TOPAZ1: variants seen among roughly 807,000 people sequenced by gnomAD.
The protein encoded by TOPAZ1 is testis and ovary specific TOPAZ 1.
In TOPAZ1, 66 loss-of-function variants were observed where a neutral mutation model predicts 172.2. That is an observed-to-expected ratio of 0.38 (90% confidence interval 0.31 to 0.47). The LOEUF (loss-of-function observed/expected upper bound fraction) is 0.47, where lower values mean the gene tolerates loss of function less well. Among genes scored for constraint, TOPAZ1 ranks in the 20% least tolerant of loss-of-function variants. The pLI is 0.99. For missense variants in TOPAZ1, 1,822 were observed against 1,972.4 expected, an observed-to-expected ratio of 0.92 and a Z score of 1.44; for synonymous variants, 681 against 683.9, an observed-to-expected ratio of 1.00 and a Z score of 0.07.
chr3:44,317,846 A>G (rs987027398), intron 16 of TOPAZ1, among the ~76,000 whole-genome samples: 3 of 152,260 alleles, frequency 2.0e-5, no homozygotes, highest in African/African-American at 7.2e-5. Context: ...TAAAATATTC[A>G]TAAAAGTATT....
chr3:44,331,687 G>A, intron 19 of TOPAZ1, 105 bp from the exon 20 acceptor site: 3 of 912,556 alleles, frequency 3.3e-6, no homozygotes, highest in Non-Finnish European at 3.3e-6. Context: ...AACATGGTGA[G>A]AAGACTATCA....
intron 11 of TOPAZ1, 129 bp downstream of exon 11, chr3:44,287,968 T>C (rs1700097806): frequency 1.7e-6 from 1 of 597,062 alleles, no homozygotes; most frequent in African/African-American, 2.0e-5. Context: ...TTTCCAGAAG[T>C]ATTCTTTTTC....
At chr3:44,274,639 C>A (rs1412175693) in intron 8 of TOPAZ1, among the ~76,000 whole-genome samples, 1 of 151,206 alleles carries the variant, frequency 6.6e-6, no homozygotes, top group African/African-American at 2.4e-5. Context: ...ACTGTAACCT[C>A]CGCCTCCCGG....
Position 44,243,222 on chromosome 3 carries a change from A to C in TOPAZ1, c.716A>C (p.Asn239Thr), listed in dbSNP as rs1479383837. 6.5e-7 allele frequency: 1 copy of C among 1,549,946 alleles called. No homozygotes were observed. Among genetic ancestry groups the C allele is most frequent in the Non-Finnish European group, 8.7e-7 (1 of 1,146,588 alleles). Residue 239 changes from asparagine to threonine, a missense_variant, in exon 2 of 20, where the codon AAT becomes ACT. Transcript: ENST00000309765. ...CNCFPHSKGC[N>T]DENNLPYKPD... ...TGTTTCCCCCATTCCAAGGGTTGTA[A>C]TGATGAAAACAACCTGCCATATAAA...
intron 12 of TOPAZ1, among the ~76,000 whole-genome samples, chr3:44,293,810 T>C (rs1700166119): frequency 6.6e-6 from 1 of 152,192 alleles, no homozygotes; most frequent in Non-Finnish European, 1.5e-5. Flanking sequence ...ATAACATGCT[T>C]TGCAGGTTGG....
intron 12 of TOPAZ1, among the ~76,000 whole-genome samples, chr3:44,297,912 C>A (rs4464423): frequency 0.46 from 70,051 of 151,840 alleles, 17,379 homozygotes; most frequent in East Asian, 0.8. Flanking sequence ...TAGTAAAAAT[C>A]TGACTGAACA....
In TOPAZ1 at chr3:44,303,863, C is replaced by A. The variant is rs576683340; in HGVS notation, c.3798-152C>A. ...TATAAAGTAGGTGTCTATATAGCTG[C>A]CTTTTTTTCAGCTCTGAAGAATGTT... On this transcript the variant is annotated intron_variant, in intron 12 of 19. Transcript: ENST00000309765. Among the ~76,000 whole-genome samples, 3 of 152,166 alleles carry A rather than the reference C, an allele frequency of 2.0e-5. No individual in the cohort carries two copies. In the South Asian group the frequency reaches 6.2e-4, roughly 32 times the overall value.
chr3:44,245,706 T>A (rs1359392425), intron 2 of TOPAZ1, among the ~76,000 whole-genome samples: 1 of 151,884 alleles, frequency 6.6e-6, no homozygotes, highest in Non-Finnish European at 1.5e-5. Flanking sequence ...CCGGCTAATT[T>A]GTTTTTGTAT....
intron 16 of TOPAZ1, among the ~76,000 whole-genome samples, chr3:44,313,114 C>T (rs1214059243): frequency 6.6e-6 from 1 of 152,046 alleles, no homozygotes; most frequent in East Asian, 1.9e-4. Flanking sequence ...ATCCATGAAT[C>T]CACTTTTACT....
intron 15 of TOPAZ1, among the ~76,000 whole-genome samples, chr3:44,308,128 A>G (rs1385608377): frequency 2.6e-5 from 4 of 152,198 alleles, no homozygotes; most frequent in Middle Eastern, 6.8e-3. Context: ...TACAAAAATT[A>G]GCAGGGGGTG....
rs1188004338 is a variant in TOPAZ1, at chr3:44,243,770, C to G, written c.1264C>G (p.Pro422Ala). ...VNAVFQKTIE[P>A]LLKEETENAS... ...TGCTGTGTTTCAGAAAACCATTGAA[C>G]CACTTTTGAAAGAAGAAACAGAGAA... Residue 422 changes from proline (P) to alanine (A), a missense_variant, in exon 2 of 20, where the codon CCA (proline) becomes GCA (alanine). By Grantham distance (27) the Pro-to-Ala change is conservative. Around this residue, in one of 2 missense-constraint regions of TOPAZ1, gnomAD observed 1,489 missense variants for 1,490.8 expected, o/e 1.00. Transcript: ENST00000309765. 3.9e-6 allele frequency: 6 copies of G among 1,551,684 alleles called. No homozygotes were observed. Among genetic ancestry groups the G allele is most frequent in the Admixed American group, 2.0e-5 (1 of 50,998 alleles).
At chr3:44,310,806 G>A (rs576944669) in intron 16 of TOPAZ1, among the ~76,000 whole-genome samples, 18 of 152,286 alleles carry the variant, frequency 1.2e-4, no homozygotes, top group Admixed American at 9.2e-4. Context: ...GGGCAAACAT[G>A]ACTTCAAACC....
downstream of TOPAZ1, among the ~76,000 whole-genome samples, chr3:44,333,305 G>A (rs1174973302): frequency 6.6e-6 from 1 of 152,170 alleles, no homozygotes; most frequent in Admixed American, 6.5e-5. Flanking sequence ...AGTGAGGCAG[G>A]TGACGTCAAG....
chr3:44,332,144 A>G, downstream of TOPAZ1: 1 of 623,740 alleles, frequency 1.6e-6, no homozygotes, highest in East Asian at 2.8e-5. Context: ...AATAGTTTTA[A>G]AGCACTAAAT....
intron 16 of TOPAZ1, among the ~76,000 whole-genome samples, chr3:44,315,105 G>GTGGATGGATGGATGGATGGATGGA (rs34398632): frequency 1.1e-4 from 17 of 150,002 alleles, no homozygotes; most frequent in East Asian, 2.0e-4. Flanking sequence ...ATTAGTTGAG[G>GTGGATGGATGGATGGATGGATGGA]TGGATGGATG....
chr3:44,309,063 A>G (rs1296597995), intron 15 of TOPAZ1, among the ~76,000 whole-genome samples: 1 of 152,232 alleles, frequency 6.6e-6, no homozygotes, highest in Non-Finnish European at 1.5e-5. Context: ...AATCAAAAAG[A>G]ATGTACAACA....
intron 12 of TOPAZ1, among the ~76,000 whole-genome samples, chr3:44,298,103 G>T (rs1156520551): frequency 2.0e-5 from 3 of 152,042 alleles, no homozygotes; most frequent in African/African-American, 2.4e-5. Context: ...TTTTTTGTAG[G>T]TATAAAAACG....
rs144327785 is a variant in TOPAZ1 at position 44,282,341 on chromosome 3, G to A, written c.3436+310G>A. Among the ~76,000 whole-genome samples, 3 of 152,248 alleles carry A rather than the reference G, an allele frequency of 2.0e-5. No individual in the cohort carries two copies. The East Asian group carries it at 5.8e-4, about 29-fold the overall frequency. ...TATCTAAAGGGATTTTTCAGAAGCT[G>A]ACTCTTTCCTACTTCTTCATCCTTC... On this transcript the variant is annotated intron_variant, in intron 9 of 19. Coordinates refer to ENST00000309765, the MANE Select transcript of TOPAZ1 (RefSeq NM_001145030.2).
rs1471718493 is a variant in TOPAZ1 at position 44,244,460 on chromosome 3, A to G, written c.1954A>G (p.Asn652Asp). Reference protein sequence around the residue: ...TATSKDGQEANNSAGKTIHRK... With the variant: ...TATSKDGQEADNSAGKTIHRK... ...GACTTCCAAAGATGGTCAGGAAGCA[A>G]ATAACTCTGCAGGCAAAACTATTCA... Residue 652 changes from asparagine (N) to aspartate (D), a missense_variant, in exon 2 of 20, where the codon AAT becomes GAT. Asn to Asp is a conservative substitution (Grantham distance 23). Coordinates refer to ENST00000309765, the MANE Select transcript of TOPAZ1 (RefSeq NM_001145030.2). 2.6e-6 allele frequency: 4 copies of G among 1,551,764 alleles called. No homozygotes were observed. The highest frequency in any genetic ancestry group is 3.5e-6 in the Non-Finnish European group (4 of 1,146,988).
Sources: allele counts gnomAD v4.1 joint callset (sites outside exome capture counted in the v4.1 genomes callset), GRCh38; gene constraint gnomAD v4.1.1; regional missense constraint gnomAD v4.1.1; transcripts MANE v1.5; gene names NCBI Gene and HGNC (gene_info 2026-07-23, HGNC 2026-07-21).